ZNF778: variants seen among roughly 807,000 people sequenced by gnomAD.
The protein encoded by ZNF778 is zinc finger protein 778.
ZNF778 carries 37 observed loss-of-function variants against 23.9 expected under a neutral mutation model. The ratio of observed to expected loss-of-function variants is 1.54; its 90% CI spans 1.19 to 2.03. The LOEUF (loss-of-function observed/expected upper bound fraction) is 2.03. Ranked by LOEUF, ZNF778 falls within the 30% of genes most tolerant of loss-of-function variation. ZNF778 has a pLI of 0.00. For synonymous variants in ZNF778, 483 were observed against 343.9 expected (o/e 1.40, Z -4.48); for missense variants, 1,297 against 934.4 (o/e 1.39, Z -5.06).
intron 2 of ZNF778, 33 bp from the exon 3 acceptor site, chr16:89,222,059 T>A: frequency 6.6e-7 from 1 of 1,519,446 alleles, no homozygotes; most frequent in Non-Finnish European, 9.0e-7. Flanking sequence ...CAGCTCTGGG[T>A]TCTCATGCCT....
chr16:89,228,634 G>C lies in ZNF778; in HGVS notation c.*72G>C. The stretch of plus-strand genomic sequence containing the variant: ...GACATGAAAGACCTCTCGTTCTCCA[G>C]ATGTCCATGACTTGAGGAATGTGGC... On this transcript the variant is annotated 3_prime_UTR_variant, in exon 7 of 7. Transcript: ENST00000433976. 1 of 1,519,010 alleles carries C rather than the reference G, an allele frequency of 6.6e-7. No homozygotes were observed. The highest frequency in any genetic ancestry group is 2.3e-5 in the Admixed American group (1 of 43,878). 94.1% of individuals were successfully genotyped at this position (1,519,010 alleles called of 1,614,324 possible). A position where few individuals can be genotyped will look rare whatever the true frequency, so the allele number is the denominator to read the frequency against.
Position 89,232,359 on chromosome 16 carries a change from C to G in ZNF778, c.*3797C>G, listed in dbSNP as rs866160008. ...GATGCCAGTGCTATGCTTGCACAGCCTGCTGAACCATGAGCCAAATAAGCC... is the reference window on the plus strand; with the variant it reads ...GATGCCAGTGCTATGCTTGCACAGCGTGCTGAACCATGAGCCAAATAAGCC... On this transcript the variant is annotated 3_prime_UTR_variant, in exon 7 of 7. Transcript: ENST00000433976. 3.1e-5 allele frequency: 9 copies of G among 288,738 alleles called. No individual in the cohort carries two copies. The Admixed American group carries it at 3.5e-4, about 11-fold the overall frequency. The allele number at this position is 288,738 out of a possible 1,614,324, so 17.9% of individuals were successfully genotyped here.
At position 89,232,253 on chromosome 16, in the gene ZNF778, C is replaced by T. The variant is rs560161818; in HGVS notation, c.*3691C>T. 9.8e-5 allele frequency: 18 copies of T among 184,186 alleles called. No homozygotes were observed. The highest frequency in any genetic ancestry group is 5.4e-4 in the South Asian group (5 of 9,256). The allele number at this position is 184,186 out of a possible 1,614,324, so 11.4% of individuals were successfully genotyped here. A position where few individuals can be genotyped will look rare whatever the true frequency, so the allele number is the denominator to read the frequency against. On this transcript the variant is annotated 3_prime_UTR_variant, in exon 7 of 7. Coordinates refer to ENST00000433976, the MANE Select transcript of ZNF778 (RefSeq NM_001201407.2). ...GAGCATGGTTGTGATAAAGCCAAGC[C>T]GTCCCTCGGGTTTGGCTCACTGCCC...
chr16:89,234,290 C>G lies in ZNF778; in HGVS notation c.*5728C>G. The G allele has an allele frequency of 2.9e-6, 1 of 345,630 alleles. No homozygotes were observed. The highest frequency in any genetic ancestry group is 5.7e-6 in the Non-Finnish European group (1 of 175,174). 21.4% of individuals were successfully genotyped at this position (345,630 alleles called of 1,614,324 possible). On this transcript the variant is annotated 3_prime_UTR_variant, in exon 7 of 7. Coordinates refer to ENST00000433976, the MANE Select transcript of ZNF778 (RefSeq NM_001201407.2). ...GGGATTCTTGAACTATCTGTAGGAA[C>G]TGCCATGTTGACTCCTGGGCAGTTT...
chr16:89,221,402 C>T (rs572383101), intron 2 of ZNF778, among the ~76,000 whole-genome samples: 3 of 152,278 alleles, frequency 2.0e-5, no homozygotes, highest in South Asian at 4.1e-4. Flanking sequence ...CAAGGCGTAC[C>T]GTTCCATATC....
At chr16:89,223,308 A>G (rs953353056) in intron 4 of ZNF778, 25 bp downstream of exon 4, 6 of 1,612,938 alleles carry the variant, frequency 3.7e-6, no homozygotes, top group Non-Finnish European at 5.1e-6. Context: ...GTCCTTTGCA[A>G]CTTCTGTGGA....
Position 89,230,486 on chromosome 16 carries a change from G to A in ZNF778, c.*1924G>A, listed in dbSNP as rs1456264075. 1 of 152,080 alleles carries A rather than the reference G, an allele frequency of 6.6e-6. No individual in the cohort carries two copies. The highest frequency in any genetic ancestry group is 2.4e-5 in the African/African-American group (1 of 41,358). The allele number at this position is 152,080 out of a possible 1,614,324, so 9.4% of individuals were successfully genotyped here. On this transcript the variant is annotated 3_prime_UTR_variant, in exon 7 of 7. Coordinates refer to ENST00000433976, the MANE Select transcript of ZNF778 (RefSeq NM_001201407.2). ...CAGCTGCTGTGATCCGGCATTCATG[G>A]GGCAGCTGCTGCGACCCGGCACTCC...
chr16:89,228,987 C>T lies in ZNF778; in HGVS notation c.*425C>T, dbSNP rs1200035459. On this transcript the variant is annotated 3_prime_UTR_variant, in exon 7 of 7. Coordinates refer to ENST00000433976, the MANE Select transcript of ZNF778 (RefSeq NM_001201407.2). ...AGTGTTGTGAATGTATGGAAGATAGCAGTCGCTTCCCTGTGTTCTAAAACC... is the reference window on the plus strand; with the variant it reads ...AGTGTTGTGAATGTATGGAAGATAGTAGTCGCTTCCCTGTGTTCTAAAACC... 3 of 995,488 alleles carry T rather than the reference C, an allele frequency of 3.0e-6. No individual in the cohort carries two copies. The highest frequency in any genetic ancestry group is 3.5e-5 in the African/African-American group (2 of 57,362). 61.7% of individuals were successfully genotyped at this position (995,488 alleles called of 1,614,324 possible).
At chr16:89,221,277 G>A in intron 2 of ZNF778, 125 bp downstream of exon 2, 1 of 1,144,966 alleles carries the variant, frequency 8.7e-7, no homozygotes, top group Non-Finnish European at 1.2e-6. Flanking sequence ...CTGCTGGAGT[G>A]AGCCAGAGAA....
chr16:89,223,396 A>G, intron 4 of ZNF778, 113 bp downstream of exon 4: 2 of 1,453,672 alleles, frequency 1.4e-6, no homozygotes, highest in Non-Finnish European at 1.9e-6. Flanking sequence ...TAAGAGATAT[A>G]ACAACTGTGC....
chr16:89,228,611 C>T lies in ZNF778; in HGVS notation c.*49C>T, dbSNP rs781678220. 1.3e-6 allele frequency: 2 copies of T among 1,525,344 alleles called. No homozygotes were observed. Among genetic ancestry groups the T allele is most frequent in the South Asian group, 1.4e-5 (1 of 73,558 alleles). 94.5% of individuals were successfully genotyped at this position (1,525,344 alleles called of 1,614,324 possible). On this transcript the variant is annotated 3_prime_UTR_variant, in exon 7 of 7. Transcript: ENST00000433976. ...CAGCTACACTCATTCACGTTGAAGA[C>T]ATGAAAGACCTCTCGTTCTCCAGAT...
chr16:89,233,925 G>A lies in ZNF778; in HGVS notation c.*5363G>A, dbSNP rs1429515344. 1.6e-6 allele frequency: 2 copies of A among 1,288,954 alleles called. No homozygotes were observed. Among genetic ancestry groups the A allele is most frequent in the East Asian group, 5.5e-5 (1 of 18,030 alleles). 79.8% of individuals were successfully genotyped at this position (1,288,954 alleles called of 1,614,324 possible). A position where few individuals can be genotyped will look rare whatever the true frequency, so the allele number is the denominator to read the frequency against. On this transcript the variant is annotated 3_prime_UTR_variant, in exon 7 of 7. Transcript: ENST00000433976. ...CCCAGGATGAGGCACTAGACAGCAGGACATGCTGTATGCCCTTGGGCCTGC... is the reference window on the plus strand; with the variant it reads ...CCCAGGATGAGGCACTAGACAGCAGAACATGCTGTATGCCCTTGGGCCTGC...
chr16:89,233,897 C>T lies in ZNF778; in HGVS notation c.*5335C>T, dbSNP rs1044614614. On this transcript the variant is annotated 3_prime_UTR_variant, in exon 7 of 7. Coordinates refer to ENST00000433976, the MANE Select transcript of ZNF778 (RefSeq NM_001201407.2). ...AGCCAGTATTTCTCCTCCCTGAAGTCAGCCCAGGATGAGGCACTAGACAGC... is the reference window on the plus strand; with the variant it reads ...AGCCAGTATTTCTCCTCCCTGAAGTTAGCCCAGGATGAGGCACTAGACAGC... 4 of 1,289,490 alleles carry T rather than the reference C, an allele frequency of 3.1e-6. No individual in the cohort carries two copies. The East Asian group carries it at 1.7e-4, about 54-fold the overall frequency. 79.9% of individuals were successfully genotyped at this position (1,289,490 alleles called of 1,614,324 possible). A position where few individuals can be genotyped will look rare whatever the true frequency, so the allele number is the denominator to read the frequency against.
In ZNF778 at chr16:89,228,113, C is replaced by G. The variant is rs117628021; in HGVS notation, c.1825C>G (p.Arg609Gly). 6.4e-4 allele frequency: 1,030 copies of G among 1,612,088 alleles called. No homozygotes were observed. Among genetic ancestry groups the G allele is most frequent in the Admixed American group, 6.5e-4 (39 of 59,826 alleles). ...TTCTTCGAGCCTAACCGAGCACATA[C>G]GAACTCACACTGGAGAGAAACCTTA... ...TVSSSLTEHI[R>G]THTGEKPYEC... The change falls in exon 7 of 7, where the codon CGA becomes GGA. Residue 609 changes from arginine to glycine, a missense_variant. Physicochemically the swap from Arg to Gly is moderately radical, Grantham distance 125 (BLOSUM62 -2). Coordinates refer to ENST00000433976, the MANE Select transcript of ZNF778 (RefSeq NM_001201407.2).
rs72821305 is a variant in ZNF778, at chr16:89,232,945, T to A, written c.*4383T>A. 32,299 of 1,231,996 alleles carry A rather than the reference T, an allele frequency of 0.026. 1,549 individuals are homozygous for A. The highest frequency in any genetic ancestry group is 0.17 in the East Asian group (2,763 of 16,650). 76.3% of individuals were successfully genotyped at this position (1,231,996 alleles called of 1,614,324 possible). ...CGTATGCGAATCCACTCACTGCCTA[T>A]GCAACTCAGCTCGCTCTGCGTATGC... On this transcript the variant is annotated 3_prime_UTR_variant, in exon 7 of 7. Coordinates refer to ENST00000433976, the MANE Select transcript of ZNF778 (RefSeq NM_001201407.2).
intron 1 of ZNF778, among the ~76,000 whole-genome samples, chr16:89,219,336 TTCC>T (rs1338944792): frequency 6.6e-6 from 1 of 152,222 alleles, no homozygotes; most frequent in Non-Finnish European, 1.5e-5. Context: ...CGTTTAAATA[TTCC>T]TCCATTTCTT....
intron 1 of ZNF778, chr16:89,218,406 A>G (rs1370030978): frequency 6.6e-6 from 1 of 152,254 alleles, no homozygotes; most frequent in Non-Finnish European, 1.5e-5. Flanking sequence ...AACTGCACAC[A>G]TGATACTTAA....
chr16:89,230,668 T>C lies in ZNF778; in HGVS notation c.*2106T>C, dbSNP rs1364583080. The C allele has an allele frequency of 6.6e-6, 1 of 152,248 alleles. No individual in the cohort carries two copies. Among genetic ancestry groups the C allele is most frequent in the Admixed American group, 6.5e-5 (1 of 15,286 alleles). The allele number at this position is 152,248 out of a possible 1,614,324, so 9.4% of individuals were successfully genotyped here. On this transcript the variant is annotated 3_prime_UTR_variant, in exon 7 of 7. Coordinates refer to ENST00000433976, the MANE Select transcript of ZNF778 (RefSeq NM_001201407.2). ...CACACAGTGGCAGAGCAAGACTTCATGTGAGTGACACGAATGTGTGTCCTC... is the reference window on the plus strand; with the variant it reads ...CACACAGTGGCAGAGCAAGACTTCACGTGAGTGACACGAATGTGTGTCCTC...
intron 3 of ZNF778, among the ~76,000 whole-genome samples, chr16:89,222,947 G>T (rs1032067025): frequency 9.5e-6 from 1 of 105,656 alleles, no homozygotes; most frequent in Non-Finnish European, 2.2e-5. Context: ...CAGGGCACGC[G>T]TGACTGGAGG....
Sources: allele counts gnomAD v4.1 joint callset (sites outside exome capture counted in the v4.1 genomes callset), GRCh38; gene constraint gnomAD v4.1.1; transcripts MANE v1.5; gene names NCBI Gene and HGNC (gene_info 2026-07-23, HGNC 2026-07-21).